Variants in MPV17L observed in about 807,000 individuals in gnomAD.
The protein encoded by MPV17L is mpv17-like protein.
MPV17L carries 24 observed loss-of-function variants against 25.8 expected under a neutral mutation model. The ratio of observed to expected loss-of-function variants is 0.93; its 90% CI spans 0.67 to 1.31. The LOEUF is 1.31. Ranked by LOEUF, MPV17L falls within the 50% of genes most tolerant of loss-of-function variation. MPV17L has a pLI of 0.00. For missense variants in MPV17L, 250 were observed against 265.6 expected (o/e 0.94, Z 0.41); for synonymous variants, 102 against 115.3 (o/e 0.88, Z 0.74).
intron 1 of MPV17L, among the ~76,000 whole-genome samples, chr16:15,400,377 G>A (rs1337785722): frequency 1.4e-5 from 2 of 147,578 alleles, no homozygotes; most frequent in African/African-American, 5.0e-5. Context: ...TTGAGACAGG[G>A]TCTTGCTGTG....
At chr16:15,401,056 GTGTA>G (rs1249946847) in intron 2 of MPV17L, among the ~76,000 whole-genome samples, 199 bp downstream of exon 2, 1 of 49,044 alleles carries the variant, frequency 2.0e-5, no homozygotes, top group African/African-American at 7.2e-5. Flanking sequence ...GTATGTGTGT[GTGTA>G]TATATATATA....
chr16:15,399,398 T>C (rs999845208), intron 1 of MPV17L: 1 of 454,726 alleles, frequency 2.2e-6, no homozygotes. Context: ...CTGAATTTAT[T>C]GTTACTTTTT....
In MPV17L at chr16:15,400,773, G is replaced by T; in HGVS notation, c.311-14G>T. On this transcript the variant is annotated splice_polypyrimidine_tract_variant and intron_variant, in intron 1 of 3. Transcript: ENST00000396385. ...ACTGAATCTTTTAAAATTTTTTTTG[G>T]GTTTTGCAAATAGGTATGAGCATTC... The T allele has an allele frequency of 6.3e-7, 1 of 1,577,430 alleles. No homozygotes were observed. The highest frequency in any genetic ancestry group is 8.6e-7 in the Non-Finnish European group (1 of 1,165,658).
intron 2 of MPV17L, among the ~76,000 whole-genome samples, chr16:15,405,081 C>T (rs916102164): frequency 1.3e-5 from 2 of 152,112 alleles, no homozygotes; most frequent in African/African-American, 2.4e-5. Context: ...GGCATGACAG[C>T]GTGTTCCAGG....
intron 2 of MPV17L, among the ~76,000 whole-genome samples, chr16:15,401,078 ATATATATATTTT>A (rs1351687183): frequency 3.2e-5 from 1 of 30,946 alleles, no homozygotes; most frequent in Non-Finnish European, 7.9e-5. Flanking sequence ...ATATATATAT[ATATATATATTTT>A]TTTTTTTTTT....
intron 2 of MPV17L, among the ~76,000 whole-genome samples, chr16:15,402,667 T>C (rs1389727253): frequency 1.4e-4 from 21 of 152,170 alleles, no homozygotes; most frequent in Admixed American, 1.4e-3. Context: ...TTTGTTTGTG[T>C]GTTTTGGTTT....
chr16:15,395,995 C>A lies in MPV17L; in HGVS notation c.98C>A (p.Ala33Glu). The change falls in exon 1 of 4, where the codon GCG becomes GAG. Residue 33 changes from alanine (A) to glutamate (E), a missense_variant. Ala to Glu is a moderately radical substitution (Grantham distance 107). Coordinates refer to ENST00000396385, the MANE Select transcript of MPV17L (RefSeq NM_001128423.2). ...GGCTCGCTCGTCTCGGCCGGGGACG[C>A]GCTGCAACAGCGGCTGCAGGGCCGC... ...LYGSLVSAGD[A>E]LQQRLQGREA... is the part of the protein sequence containing the mutation. 1 of 1,516,308 alleles carries A rather than the reference C, an allele frequency of 6.6e-7. No individual in the cohort carries two copies. The highest frequency in any genetic ancestry group is 8.8e-7 in the Non-Finnish European group (1 of 1,139,114). The allele number at this position is 1,516,308 out of a possible 1,614,324, so 93.9% of individuals were successfully genotyped here. A position where few individuals can be genotyped will look rare whatever the true frequency, so the allele number is the denominator to read the frequency against.
At chr16:15,399,117 T>TTTTTTTTTTTTTTTTTTTTTTTTTG (rs2050612322) in intron 1 of MPV17L, among the ~76,000 whole-genome samples, 1 of 151,136 alleles carries the variant, frequency 6.6e-6, no homozygotes, top group South Asian at 2.1e-4. Flanking sequence ...TTAACCTCTC[T>TTTTTTTTTTTTTTTTTTTTTTTTTG]AAGCTCTTTT....
intron 2 of MPV17L, among the ~76,000 whole-genome samples, chr16:15,403,386 A>G (rs1266961221): frequency 1.3e-5 from 2 of 150,624 alleles, no homozygotes; most frequent in Non-Finnish European, 3.0e-5. Flanking sequence ...AAAAAAAAAA[A>G]AAGAGCAAGA....
chr16:15,400,802 A>T lies in MPV17L; in HGVS notation c.326A>T (p.Gln109Leu), dbSNP rs1256988564. ...TTGCAAATAGGTATGAGCATTCTCC[A>T]AGGAAAGGATGACATATTTTTGGAC... is the stretch of plus-strand genomic sequence containing the variant. Reference protein sequence around the residue: ...SAFYVGMSILQGKDDIFLDLK... With the variant: ...SAFYVGMSILLGKDDIFLDLK... The change falls in exon 2 of 4, where the codon CAA (glutamine) becomes CTA (leucine). Residue 109 changes from glutamine to leucine, a missense_variant. Coordinates refer to ENST00000396385, the MANE Select transcript of MPV17L (RefSeq NM_001128423.2). 6.2e-7 allele frequency: 1 copy of T among 1,604,966 alleles called. No individual in the cohort carries two copies. The highest frequency in any genetic ancestry group is 8.5e-7 in the Non-Finnish European group (1 of 1,175,956).
intron 2 of MPV17L, among the ~76,000 whole-genome samples, chr16:15,401,763 G>A (rs1009977392): frequency 6.6e-6 from 1 of 152,056 alleles, no homozygotes; most frequent in African/African-American, 2.4e-5. Context: ...GTTGCAGTGA[G>A]CCGAGATCGC....
chr16:15,405,028 A>G (rs1254616081), intron 2 of MPV17L, among the ~76,000 whole-genome samples: 5 of 152,066 alleles, frequency 3.3e-5, no homozygotes, highest in Admixed American at 1.3e-4. Context: ...TGCATCACCC[A>G]TCTTCTTTCT....
rs764938039 is a variant in MPV17L, at chr16:15,407,858, G to A, written c.411+5G>A. The A allele has an allele frequency of 1.9e-6, 3 of 1,612,674 alleles. No individual in the cohort carries two copies. In the Admixed American group the frequency reaches 5.0e-5, roughly 27 times the overall value. On this transcript the variant is annotated splice_donor_5th_base_variant and intron_variant, in intron 3 of 3. Coordinates refer to ENST00000396385, the MANE Select transcript of MPV17L (RefSeq NM_001128423.2). ...ATGTACTGGCCCTTTGTACAGGTAA[G>A]TTCCACCTACTCAGTAATATGAACT...
At position 15,412,975 on chromosome 16, in the gene MPV17L, T is replaced by C. The variant is rs1402700309; in HGVS notation, c.*4863T>C. ...CGGTCAGTCATCCTTTAAAATTCAT[T>C]TGAAGTTATGAAAAGATAGTTTTTG... On this transcript the variant is annotated 3_prime_UTR_variant, in exon 4 of 4. Transcript: ENST00000396385. The C allele has an allele frequency of 3.3e-5, 5 of 152,232 alleles. No individual in the cohort carries two copies. In the South Asian group the frequency reaches 8.3e-4, roughly 25 times the overall value. 9.4% of individuals were successfully genotyped at this position (152,232 alleles called of 1,614,324 possible).
At chr16:15,397,837 G>A (rs916206107) in intron 1 of MPV17L, among the ~76,000 whole-genome samples, 2 of 152,044 alleles carry the variant, frequency 1.3e-5, no homozygotes, top group Non-Finnish European at 2.9e-5. Flanking sequence ...CATGGCTGAC[G>A]GGGTCAGTGG....
intron 1 of MPV17L, 84 bp downstream of exon 1, chr16:15,396,291 G>C (rs528699323): frequency 6.7e-7 from 1 of 1,485,852 alleles, no homozygotes; most frequent in African/African-American, 1.4e-5. Context: ...GCGGCTGGAG[G>C]GAGGGCGCTG....
chr16:15,399,852 G>A (rs2050618289), intron 1 of MPV17L, among the ~76,000 whole-genome samples: 2 of 151,932 alleles, frequency 1.3e-5, no homozygotes, highest in African/African-American at 4.8e-5. Flanking sequence ...CCAAATCCTG[G>A]GTTGTGTAGT....
intron 2 of MPV17L, among the ~76,000 whole-genome samples, chr16:15,401,081 T>TATATAAAAAA (rs750571090): frequency 2.3e-5 from 1 of 42,808 alleles, no homozygotes; most frequent in Non-Finnish European, 5.2e-5. Flanking sequence ...TATATATATA[T>TATATAAAAAA]ATATATTTTT....
rs1465970540 is a variant in MPV17L at position 15,412,770 on chromosome 16, C to T, written c.*4658C>T. 5 of 149,222 alleles carry T rather than the reference C, an allele frequency of 3.4e-5. No homozygotes were observed. The highest frequency in any genetic ancestry group is 1.4e-4 in the Admixed American group (2 of 14,788). The allele number at this position is 149,222 out of a possible 1,614,324, so 9.2% of individuals were successfully genotyped here. ...TTTTTTTTTGGATTTTTAGTAGAGT[C>T]GGGGTTTCACTGTGTTAGCCAGGAT... On this transcript the variant is annotated 3_prime_UTR_variant, in exon 4 of 4. Coordinates refer to ENST00000396385, the MANE Select transcript of MPV17L (RefSeq NM_001128423.2).
Sources: allele counts gnomAD v4.1 joint callset (sites outside exome capture counted in the v4.1 genomes callset), GRCh38; gene constraint gnomAD v4.1.1; transcripts MANE v1.5; gene names NCBI Gene and HGNC (gene_info 2026-07-23, HGNC 2026-07-21).